Variants in TCF4 observed in about 807,000 individuals in gnomAD.
The protein encoded by TCF4 is SL3-3 enhancer factor 2.
Under a neutral mutation model 82.1 loss-of-function variants are expected in TCF4, and 3 were observed. The observed-to-expected ratio is 0.04, with a 90% CI of 0.02 to 0.09. The LOEUF is 0.09. Among genes scored for constraint, TCF4 ranks in the 10% least tolerant of loss-of-function variants. The pLI, the probability that TCF4 is intolerant of heterozygous loss-of-function variation, is 1.00. For missense variants in TCF4, 518 were observed against 852.7 expected (o/e 0.61, Z 4.89); for synonymous variants, 276 against 309.6 (o/e 0.89, Z 1.14).
intron 8 of TCF4, among the ~76,000 whole-genome samples, chr18:55,333,392 A>G (rs1045157936): frequency 9.2e-5 from 14 of 152,246 alleles, no homozygotes; most frequent in Admixed American, 7.2e-4. Flanking sequence ...GTATAAAAAT[A>G]GACTTTTAAT....
chr18:55,629,533 A>C (rs967519448), intron 2 of TCF4, among the ~76,000 whole-genome samples: 2 of 152,218 alleles, frequency 1.3e-5, no homozygotes, highest in African/African-American at 4.8e-5. Context: ...AAAATACAAC[A>C]AACTTATTTC....
chr18:55,446,469 TAAGGAC>T (rs2095527105), intron 5 of TCF4, among the ~76,000 whole-genome samples: 2 of 152,162 alleles, frequency 1.3e-5, no homozygotes, highest in South Asian at 4.1e-4. Context: ...CAGTGGTGGG[TAAGGAC>T]AAGGCTTTAG....
At chr18:55,501,237 T>A (rs980954814) in intron 3 of TCF4, among the ~76,000 whole-genome samples, 3 of 152,214 alleles carry the variant, frequency 2.0e-5, no homozygotes, top group Non-Finnish European at 4.4e-5. Flanking sequence ...ACTCTTAGTA[T>A]TCATTTTAGC....
chr18:55,628,051 C>T (rs1447556925), intron 2 of TCF4, among the ~76,000 whole-genome samples: 1 of 152,144 alleles, frequency 6.6e-6, no homozygotes, highest in African/African-American at 2.4e-5. Flanking sequence ...CAGAGCGAGA[C>T]TGTCTAAAAA....
At chr18:55,632,796 T>C (rs1258929122) in intron 1 of TCF4, among the ~76,000 whole-genome samples, 1 of 152,228 alleles carries the variant, frequency 6.6e-6, no homozygotes, top group Non-Finnish European at 1.5e-5. Context: ...GCCAGAGTTG[T>C]AGTTTATGGA....
chr18:55,260,093 T>C, intron 12 of TCF4, 66 bp from the exon 13 acceptor site: 7 of 1,251,134 alleles, frequency 5.6e-6, no homozygotes, highest in South Asian at 1.2e-5. Flanking sequence ...TTTTCTAAAC[T>C]ACGAAGTTGT....
At chr18:55,337,294 A>G (rs2147884285) in intron 8 of TCF4, among the ~76,000 whole-genome samples, 1 of 152,314 alleles carries the variant, frequency 6.6e-6, no homozygotes, top group African/African-American at 2.4e-5. Flanking sequence ...CTGATATCTT[A>G]TATAAATGGT....
chr18:55,305,663 A>G (rs998161352), intron 8 of TCF4, among the ~76,000 whole-genome samples: 11 of 152,168 alleles, frequency 7.2e-5, no homozygotes, highest in Non-Finnish European at 1.5e-4. Context: ...TAAGACATGT[A>G]ACTGGATAAA....
At chr18:55,611,095 T>C (rs921555083) in intron 2 of TCF4, among the ~76,000 whole-genome samples, 4 of 152,074 alleles carry the variant, frequency 2.6e-5, no homozygotes, top group African/African-American at 4.8e-5. Context: ...TTTGGGGAGA[T>C]TGAGATTTTA....
intron 6 of TCF4, 80 bp downstream of exon 6, chr18:55,403,374 A>C: frequency 6.6e-7 from 1 of 1,519,740 alleles, no homozygotes; most frequent in Non-Finnish European, 9.1e-7. Flanking sequence ...ACAGTTTAAA[A>C]TGCATCATCT....
At chr18:55,332,634 A>G (rs1163046323) in intron 8 of TCF4, among the ~76,000 whole-genome samples, 2 of 152,208 alleles carry the variant, frequency 1.3e-5, no homozygotes, top group African/African-American at 4.8e-5. Flanking sequence ...TTCGGTGCAA[A>G]TCTTTCCAAT....
chr18:55,559,532 A>G (rs997042987), intron 3 of TCF4, among the ~76,000 whole-genome samples: 1 of 152,172 alleles, frequency 6.6e-6, no homozygotes, highest in Admixed American at 6.6e-5. Context: ...TAGGACCTAT[A>G]AAATTAACAC....
chr18:55,573,500 G>C (rs1354954799), intron 3 of TCF4, among the ~76,000 whole-genome samples: 1 of 152,138 alleles, frequency 6.6e-6, no homozygotes, highest in African/African-American at 2.4e-5. Context: ...TTGGGTCCAT[G>C]TCCCAGACAC....
chr18:55,422,125 CAAAAAAA>C lies in TCF4; in HGVS notation c.305-18614_305-18608del, dbSNP rs555892552. On this transcript the variant is annotated intron_variant, in intron 5 of 19. Transcript: ENST00000354452. Reference sequence around the variant, plus strand: ...CAAAAAAAAAAAAACCACTATCATCCAAAAAAAAAAAAAAAAAAAAAAACCCACCCTG... The same window carrying C: ...CAAAAAAAAAAAAACCACTATCATCCAAAAAAAAAAAAAAAACCCACCCTG... 229 of 323,408 alleles carry C rather than the reference CAAAAAAA, an allele frequency of 7.1e-4. 3 individuals carry two copies. The highest frequency in any genetic ancestry group is 2.9e-3 in the Middle Eastern group (2 of 696). The allele number at this position is 323,408 out of a possible 1,614,324, so 20.0% of individuals were successfully genotyped here.
chr18:55,492,579 G>A (rs2096587752), intron 3 of TCF4, among the ~76,000 whole-genome samples: 1 of 152,140 alleles, frequency 6.6e-6, no homozygotes, highest in South Asian at 2.1e-4. Context: ...ATTTGAACAA[G>A]ACACAGATTA....
intron 2 of TCF4, among the ~76,000 whole-genome samples, chr18:55,613,607 TAC>T (rs2097709176): frequency 6.6e-6 from 1 of 152,092 alleles, no homozygotes; most frequent in Admixed American, 6.6e-5. Flanking sequence ...TCAAGAAACT[TAC>T]AGTTATGGCA....
chr18:55,521,034 A>T (rs2096928715), intron 3 of TCF4, among the ~76,000 whole-genome samples: 1 of 152,092 alleles, frequency 6.6e-6, no homozygotes, highest in African/African-American at 2.4e-5. Flanking sequence ...TCTTTGTGAT[A>T]AGGCTGAGGG....
intron 3 of TCF4, among the ~76,000 whole-genome samples, chr18:55,499,149 C>T (rs2096669784): frequency 6.6e-6 from 1 of 152,196 alleles, no homozygotes; most frequent in Non-Finnish European, 1.5e-5. Flanking sequence ...CTTGTTTACT[C>T]AGAATTTTTC....
chr18:55,234,360 G>T, intron 16 of TCF4, 188 bp downstream of exon 16: 1 of 756,048 alleles, frequency 1.3e-6, no homozygotes, highest in Non-Finnish European at 2.1e-6. Context: ...GAGGAAAACA[G>T]TCCCTGGAGA....
Sources: gnomAD v4.1 joint callset for allele counts (sites outside exome capture counted in the v4.1 genomes callset) on GRCh38, gnomAD v4.1.1 for gene constraint, MANE v1.5 for transcripts, NCBI Gene and HGNC (gene_info 2026-07-23, HGNC 2026-07-21) for gene names.